Variants in AIRE observed in about 807,000 individuals in gnomAD.
AIRE encodes autoimmune regulator, also known as autoimmune polyendocrinopathy candidiasis ectodermal dystrophy protein.
Under a neutral mutation model 62.1 loss-of-function variants are expected in AIRE, and 52 were observed. That is an observed-to-expected ratio of 0.84 (90% CI 0.67 to 1.06). The LOEUF (loss-of-function observed/expected upper bound fraction) is 1.06. Ranked by LOEUF, AIRE falls within the 50% of genes least tolerant of loss-of-function variation. AIRE has a pLI of 0.00. For missense variants in AIRE, 774 were observed against 755.8 expected (o/e 1.02, Z -0.28); for synonymous variants, 342 against 321.6 (o/e 1.06, Z -0.68).
chr21:44,291,151 C>T lies in AIRE; in HGVS notation c.936C>T (p.Asp312=), dbSNP rs147889221. ...CRDGGELICC[D]GCPRAFHLAC... The stretch of plus-strand genomic sequence containing the variant: ...ACGGCGGGGAGCTCATCTGCTGTGA[C>T]GGCTGCCCTCGGGCCTTCCACCTGG... The change falls in exon 8 of 14, where the codon GAC becomes GAT. Residue 312 remains aspartate (D), a synonymous_variant. Transcript: ENST00000291582. 100 of 1,610,124 alleles carry T rather than the reference C, an allele frequency of 6.2e-5. No individual in the cohort carries two copies. Among genetic ancestry groups the T allele is most frequent in the African/African-American group, 4.9e-4 (37 of 75,004 alleles).
chr21:44,293,323 G>A (rs1414069122), intron 10 of AIRE, 148 bp downstream of exon 10: 1 of 702,292 alleles, frequency 1.4e-6, no homozygotes, highest in Non-Finnish European at 2.3e-6. Context: ...GGAGCGTGGG[G>A]GGCTGCGGGG....
intron 9 of AIRE, among the ~76,000 whole-genome samples, chr21:44,292,716 A>G (rs2040555615): frequency 6.6e-6 from 1 of 152,246 alleles, no homozygotes; most frequent in African/African-American, 2.4e-5. Flanking sequence ...TAGTAGGTCT[A>G]CTGTGCACAG....
In AIRE at chr21:44,293,284, C is replaced by T. The variant is rs568328730; in HGVS notation, c.1278+109C>T. ...GAGGGAGGCCAGGCGAGAAAGGCTC[C>T]GGGAGGCACAGGGCCTGGGGCTGTG... On this transcript the variant is annotated intron_variant, in intron 10 of 13. Coordinates refer to ENST00000291582, the MANE Select transcript of AIRE (RefSeq NM_000383.4). 133 of 645,180 alleles carry T rather than the reference C, an allele frequency of 2.1e-4. No homozygotes were observed. In the Middle Eastern group the frequency reaches 2.8e-3, roughly 14 times the overall value. 40.0% of individuals were successfully genotyped at this position (645,180 alleles called of 1,614,324 possible).
At chr21:44,294,665 C>G (rs1489450074) in intron 12 of AIRE, among the ~76,000 whole-genome samples, 162 bp downstream of exon 12, 1 of 152,196 alleles carries the variant, frequency 6.6e-6, no homozygotes, top group Non-Finnish European at 1.5e-5. Context: ...AAAATATTTC[C>G]CCTTTAAACC....
At chr21:44,293,713 C>G (rs1000877910) in intron 10 of AIRE, 76 bp from the exon 11 acceptor site, 2 of 1,586,410 alleles carry the variant, frequency 1.3e-6, no homozygotes, top group Non-Finnish European at 1.7e-6. Flanking sequence ...CAGGGGAGAG[C>G]GCACAGGGCT....
rs73907157 is a variant in AIRE, at chr21:44,290,576, G to A, written c.879+508G>A. On this transcript the variant is annotated intron_variant, in intron 7 of 13. Transcript: ENST00000291582. Reference sequence around the variant, plus strand: ...TGCAGGAGCACCCGGGCTGGTGGGCGTCTGGGGGATTGTTAGAATGAGTGA... The same window carrying A: ...TGCAGGAGCACCCGGGCTGGTGGGCATCTGGGGGATTGTTAGAATGAGTGA... 7.2e-4 allele frequency: 513 copies of A among 715,410 alleles called. 4 individuals carry two copies. The African/African-American group carries it at 9.2e-3, about 13-fold the overall frequency. The allele number at this position is 715,410 out of a possible 1,614,324, so 44.3% of individuals were successfully genotyped here. A position where few individuals can be genotyped will look rare whatever the true frequency, so the allele number is the denominator to read the frequency against.
intron 12 of AIRE, among the ~76,000 whole-genome samples, chr21:44,295,141 C>T (rs765521950): frequency 3.3e-4 from 50 of 152,284 alleles, no homozygotes; most frequent in Non-Finnish European, 6.2e-4. Context: ...CAGAGGCCTC[C>T]TGAGCACATC....
Position 44,297,882 on chromosome 21 carries a change from C to T in AIRE, c.*155C>T. On this transcript the variant is annotated 3_prime_UTR_variant, in exon 14 of 14. Coordinates refer to ENST00000291582, the MANE Select transcript of AIRE (RefSeq NM_000383.4). The surrounding 1 kb of genome is among the most constrained non-coding windows in gnomAD (Gnocchi z 4.8). ...AAACAGCTCTGTGTTTCTGGGGACA[C>T]CAGCCATCATGTGCCTGGAAATTAA... 1.1e-5 allele frequency: 8 copies of T among 731,004 alleles called. No individual in the cohort carries two copies. Among genetic ancestry groups the T allele is most frequent in the South Asian group, 1.1e-4 (7 of 65,328 alleles). The allele number at this position is 731,004 out of a possible 1,614,324, so 45.3% of individuals were successfully genotyped here. A position where few individuals can be genotyped will look rare whatever the true frequency, so the allele number is the denominator to read the frequency against.
chr21:44,295,227 C>T (rs866468451), intron 12 of AIRE, among the ~76,000 whole-genome samples: 1 of 152,348 alleles, frequency 6.6e-6, no homozygotes, highest in Middle Eastern at 3.4e-3. Context: ...TGCTCTTTCC[C>T]AGCTGTGCCT....
chr21:44,288,487 G>GCCCC, intron 5 of AIRE, 29 bp downstream of exon 5: 2 of 1,487,938 alleles, frequency 1.3e-6, no homozygotes, highest in Non-Finnish European at 1.9e-6. Flanking sequence ...AGATGGGGCT[G>GCCCC]ATGGGGAGAC....
intron 8 of AIRE, among the ~76,000 whole-genome samples, chr21:44,291,510 C>T (rs913377076): frequency 1.1e-4 from 17 of 152,274 alleles, no homozygotes; most frequent in South Asian, 2.1e-4. Context: ...GCAGCCCACG[C>T]CCCCATGGGT....
chr21:44,293,938 C>G lies in AIRE; in HGVS notation c.1400+28C>G, dbSNP rs201239095. ...GAGTGAGCGTGGTCGGCGGGGAGGCCTGAACCCACACCCACACCCTACACC... is the reference window on the plus strand; with the variant it reads ...GAGTGAGCGTGGTCGGCGGGGAGGCGTGAACCCACACCCACACCCTACACC... On this transcript the variant is annotated intron_variant, in intron 11 of 13. Coordinates refer to ENST00000291582, the MANE Select transcript of AIRE (RefSeq NM_000383.4). 7 of 1,595,070 alleles carry G rather than the reference C, an allele frequency of 4.4e-6. No individual in the cohort carries two copies. The East Asian group carries it at 1.6e-4, about 36-fold the overall frequency.
At chr21:44,289,007 C>T (rs2040508565) in intron 5 of AIRE, 1 of 167,908 alleles carries the variant, frequency 6.0e-6, no homozygotes, top group African/African-American at 2.4e-5. Flanking sequence ...GACACGGTGT[C>T]TCCTCGGTGC....
intron 10 of AIRE, among the ~76,000 whole-genome samples, chr21:44,293,558 C>T (rs956967079): frequency 6.6e-6 from 1 of 152,096 alleles, no homozygotes; most frequent in Non-Finnish European, 1.5e-5. Flanking sequence ...GAGGTGCGGG[C>T]GCCAGGCTTG....
chr21:44,286,292 G>A lies in AIRE; in HGVS notation c.132+154G>A, dbSNP rs2040481216. Among the ~76,000 whole-genome samples the A allele has an allele frequency of 6.6e-6, 1 of 150,970 alleles. No individual in the cohort carries two copies. Among genetic ancestry groups the A allele is most frequent in the Non-Finnish European group, 1.5e-5 (1 of 67,770 alleles). On this transcript the variant is annotated intron_variant, in intron 1 of 13. Transcript: ENST00000291582. The surrounding 1 kb of genome is among the most constrained non-coding windows in gnomAD (Gnocchi z 6.0). ...ACAAGGAGCCAGGGGCGTCCCTGAT[G>A]ACAAGTTAGAAGTTGGTCCCCTTCC...
chr21:44,289,748 C>T lies in AIRE; in HGVS notation c.744C>T (p.Ser248=). The change falls in exon 6 of 14, where the codon AGC becomes AGT. Residue 248 remains serine, a synonymous_variant. Transcript: ENST00000291582. ...DSGSGKNKAR[S]SSGPKPLVRA... ...GCAGTGGGAAGAACAAGGCCCGCAGCAGCAGTGGCCCGAAGCCTCTGGTTC... is the reference window on the plus strand; with the variant it reads ...GCAGTGGGAAGAACAAGGCCCGCAGTAGCAGTGGCCCGAAGCCTCTGGTTC... 1 of 1,612,830 alleles carries T rather than the reference C, an allele frequency of 6.2e-7. No individual in the cohort carries two copies. The highest frequency in any genetic ancestry group is 8.5e-7 in the Non-Finnish European group (1 of 1,179,980).
Position 44,286,626 on chromosome 21 carries a change from A to G in AIRE, c.202A>G (p.Thr68Ala), listed in dbSNP as rs940635763. ...CCACGCCCTCCTGTCCTGGCTGCTG[A>G]CCCAGGACTCCACAGCCATCCTGGA... ...AFHALLSWLLTQDSTAILDFW... is the reference protein window; with the variant it reads ...AFHALLSWLLAQDSTAILDFW... Residue 68 changes from threonine (T) to alanine (A), a missense_variant, in exon 2 of 14, where the codon ACC becomes GCC. Physicochemically the swap from Thr to Ala is moderately conservative, Grantham distance 58 (BLOSUM62 0). This residue lies in a region of AIRE where 385 missense variants were observed against 396.0 expected (regional missense o/e 0.97). Coordinates refer to ENST00000291582, the MANE Select transcript of AIRE (RefSeq NM_000383.4). The surrounding 1 kb of genome is among the most constrained non-coding windows in gnomAD (Gnocchi z 6.0). The G allele has an allele frequency of 3.7e-6, 6 of 1,612,988 alleles. No individual in the cohort carries two copies. The highest frequency in any genetic ancestry group is 1.3e-5 in the African/African-American group (1 of 75,034).
chr21:44,295,222 T>C (rs969989001), intron 12 of AIRE, among the ~76,000 whole-genome samples: 3 of 152,208 alleles, frequency 2.0e-5, no homozygotes, highest in African/African-American at 7.2e-5. Flanking sequence ...GCCCATGCTC[T>C]TTCCCAGCTG....
intron 10 of AIRE, 130 bp downstream of exon 10, chr21:44,293,305 C>T: frequency 3.4e-6 from 1 of 293,368 alleles, no homozygotes. Flanking sequence ...GGGCCTGGGG[C>T]TGTGGGGGGA....
Sources: gnomAD v4.1 joint callset for allele counts (sites outside exome capture counted in the v4.1 genomes callset) on GRCh38, gnomAD v4.1.1 for gene constraint, gnomAD v4.1.1 regional missense constraint, Gnocchi (gnomAD v3.1) non-coding constraint, MANE v1.5 for transcripts, NCBI Gene and HGNC (gene_info 2026-07-23, HGNC 2026-07-21) for gene names.